Variants in SLCO3A1 observed in about 807,000 individuals in gnomAD.
The protein encoded by SLCO3A1 is solute carrier organic anion transporter family member 3A1, also known as PGE1 transporter.
In SLCO3A1, 27 loss-of-function variants were observed where a neutral mutation model predicts 63.1. The ratio of observed to expected loss-of-function variants is 0.43; its 90% confidence interval spans 0.32 to 0.59. The LOEUF is 0.59. SLCO3A1 is among the 20% of genes least tolerant of loss of function. The pLI, the probability that SLCO3A1 is intolerant of heterozygous loss-of-function variation, is 0.09. For synonymous variants in SLCO3A1, 473 were observed against 409.9 expected, an observed-to-expected ratio of 1.15 and a Z score of -1.86; for missense variants, 773 against 945.8, an observed-to-expected ratio of 0.82 and a Z score of 2.40.
chr15:92,026,596 G>A (rs967861981), intron 2 of SLCO3A1, among the ~76,000 whole-genome samples: 11 of 152,128 alleles, frequency 7.2e-5, no homozygotes, highest in South Asian at 2.1e-4. Flanking sequence ...TCTGCTTTCC[G>A]TTTTCTTCAG....
chr15:92,003,738 G>A (rs1370498121), intron 2 of SLCO3A1, among the ~76,000 whole-genome samples: 1 of 152,210 alleles, frequency 6.6e-6, no homozygotes, highest in Non-Finnish European at 1.5e-5. Context: ...AGTTCCCCAT[G>A]GAATTCATGG....
chr15:91,944,479 G>A (rs571150056), intron 2 of SLCO3A1, among the ~76,000 whole-genome samples: 22 of 152,100 alleles, frequency 1.4e-4, no homozygotes, highest in Non-Finnish European at 2.4e-4. Flanking sequence ...CAGCTGCAGC[G>A]TGGGGCTCAG....
At chr15:92,093,164 G>T (rs1327441588) in intron 2 of SLCO3A1, among the ~76,000 whole-genome samples, 1 of 152,212 alleles carries the variant, frequency 6.6e-6, no homozygotes, top group Non-Finnish European at 1.5e-5. Flanking sequence ...ACCTGAGGCT[G>T]GGTAATTTAC....
rs200890128 is a variant in SLCO3A1 at position 91,873,912 on chromosome 15, GT to G, written c.180+19832del. On this transcript the variant is annotated intron_variant, in intron 1 of 9. Transcript: ENST00000318445. ...TCTATGATTTTGTGTCATTTCCTTT[GT>G]TTTTTTTCTTTATTGTGGAAAATTA... is the stretch of plus-strand genomic sequence containing the variant. Among the ~76,000 whole-genome samples, 667 of 151,394 alleles carry G rather than the reference GT, an allele frequency of 4.4e-3. 8 individuals are homozygous for G. The highest frequency in any genetic ancestry group is 0.015 in the African/African-American group (630 of 41,268).
At position 92,153,224 on chromosome 15, in the gene SLCO3A1, C is replaced by T. The variant is rs542318742; in HGVS notation, c.1753+2210C>T. 2.8e-3 allele frequency among the ~76,000 whole-genome samples: 422 copies of T among 151,634 alleles called. 2 individuals are homozygous for T. Among genetic ancestry groups the T allele is most frequent in the African/African-American group, 1.0e-2 (411 of 41,194 alleles). On this transcript the variant is annotated intron_variant, in intron 9 of 9. Transcript: ENST00000318445. ...ATGGCCCAGTACGCACATGCCTATG[C>T]CTAGATACAGCTGAAACAAACAAAA...
chr15:91,961,153 T>C (rs888997658), intron 2 of SLCO3A1, among the ~76,000 whole-genome samples: 1 of 152,250 alleles, frequency 6.6e-6, no homozygotes, highest in Non-Finnish European at 1.5e-5. Flanking sequence ...ACTTAGTTTA[T>C]CTCATTCTAG....
chr15:91,857,517 A>G (rs1449184319), intron 1 of SLCO3A1, among the ~76,000 whole-genome samples: 1 of 152,064 alleles, frequency 6.6e-6, no homozygotes, highest in African/African-American at 2.4e-5. Context: ...ATGCAATTTA[A>G]TTTTCTTCTA....
Position 91,854,390 on chromosome 15 carries a change from C to CG in SLCO3A1, c.180+302_180+303insG. ...TGGGCGTGAAACTATTCCTCTCCCC[C>CG]CATAAGAGCGGAGCGAGACGGTGAG... On this transcript the variant is annotated intron_variant, in intron 1 of 9. Coordinates refer to ENST00000318445, the MANE Select transcript of SLCO3A1 (RefSeq NM_013272.4). The surrounding 1 kb of genome is among the most constrained non-coding windows in gnomAD (Gnocchi z 6.4). The CG allele has an allele frequency of 6.6e-6, 7 of 1,054,274 alleles. No individual in the cohort carries two copies. Among genetic ancestry groups the CG allele is most frequent in the Non-Finnish European group, 8.0e-6 (7 of 872,834 alleles). 65.3% of individuals were successfully genotyped at this position (1,054,274 alleles called of 1,614,324 possible).
At position 92,076,421 on chromosome 15, in the gene SLCO3A1, C is replaced by T. The variant is rs954616829; in HGVS notation, c.647-18460C>T. On this transcript the variant is annotated intron_variant, in intron 2 of 9. Transcript: ENST00000318445. ...TTCAGTACTTTCCCCGGATGCAGGA[C>T]GTAGTTTTGATGTTAGGATTTCTGC... is the stretch of plus-strand genomic sequence containing the variant. Among the ~76,000 whole-genome samples the T allele has an allele frequency of 8.2e-4, 125 of 152,284 alleles. 1 individual carries two copies. The highest frequency in any genetic ancestry group is 2.7e-3 in the African/African-American group (113 of 41,550).
intron 2 of SLCO3A1, among the ~76,000 whole-genome samples, chr15:92,021,892 C>A (rs183396934): frequency 5.1e-4 from 77 of 152,212 alleles, no homozygotes; most frequent in African/African-American, 1.8e-3. Flanking sequence ...TGCCGTTCCA[C>A]CCAGCCTAAT....
chr15:91,962,851 A>G (rs1900501423), intron 2 of SLCO3A1, among the ~76,000 whole-genome samples: 2 of 152,202 alleles, frequency 1.3e-5, no homozygotes, highest in Admixed American at 1.3e-4. Flanking sequence ...AGCCGGGTAC[A>G]GGGAGAAGGC....
At chr15:92,054,666 T>A (rs892152892) in intron 2 of SLCO3A1, among the ~76,000 whole-genome samples, 8 of 147,340 alleles carry the variant, frequency 5.4e-5, no homozygotes, top group African/African-American at 2.0e-4. Context: ...TGTGTTCTCA[T>A]TGTTCAGCTC....
rs1407552182 is a variant in SLCO3A1, at chr15:91,883,835, C to G, written c.180+29747C>G. On this transcript the variant is annotated intron_variant, in intron 1 of 9. Transcript: ENST00000318445. The surrounding 1 kb of genome is among the most constrained non-coding windows in gnomAD (Gnocchi z 4.8). ...TACACTCACTTCTGTGGGTCCACAC[C>G]CCGTGCCAGGCACCGTGTTACATGC... Among the ~76,000 whole-genome samples the G allele has an allele frequency of 6.6e-6, 1 of 152,136 alleles. No individual in the cohort carries two copies. The highest frequency in any genetic ancestry group is 1.5e-5 in the Non-Finnish European group (1 of 68,024).
chr15:92,016,394 G>A, intron 2 of SLCO3A1, among the ~76,000 whole-genome samples: 1 of 151,998 alleles, frequency 6.6e-6, no homozygotes, highest in East Asian at 1.9e-4. Context: ...TGAACTCCTA[G>A]CCTCAAACAA....
chr15:91,989,150 G>C (rs764839414), intron 2 of SLCO3A1, among the ~76,000 whole-genome samples: 1 of 152,088 alleles, frequency 6.6e-6, no homozygotes, highest in Non-Finnish European at 1.5e-5. Flanking sequence ...CTGTGCCTTC[G>C]CATAAGTGTC....
chr15:92,116,205 G>A (rs962508166), intron 4 of SLCO3A1, among the ~76,000 whole-genome samples: 5 of 152,108 alleles, frequency 3.3e-5, no homozygotes, highest in African/African-American at 4.8e-5. Flanking sequence ...CATTTAGAAC[G>A]GCATTTTTGC....
At chr15:92,147,838 G>T (rs750269106) in intron 8 of SLCO3A1, among the ~76,000 whole-genome samples, 3 of 152,184 alleles carry the variant, frequency 2.0e-5, no homozygotes, top group Admixed American at 6.5e-5. Flanking sequence ...ATCATTTGCA[G>T]AGTTACCTAG....
At chr15:92,060,166 G>A (rs942448532) in intron 2 of SLCO3A1, among the ~76,000 whole-genome samples, 9 of 152,182 alleles carry the variant, frequency 5.9e-5, no homozygotes, top group Admixed American at 1.3e-4. Flanking sequence ...GAGTCAGTGA[G>A]TGAGTGGTGA....
intron 2 of SLCO3A1, among the ~76,000 whole-genome samples, chr15:92,041,139 C>T (rs1567083177): frequency 6.6e-6 from 1 of 152,132 alleles, no homozygotes; most frequent in Non-Finnish European, 1.5e-5. Context: ...ATATGCCTAG[C>T]CCCCTTCCCT....
Sources: gnomAD v4.1 joint callset for allele counts (sites outside exome capture counted in the v4.1 genomes callset) on GRCh38, gnomAD v4.1.1 for gene constraint, Gnocchi (gnomAD v3.1) non-coding constraint, MANE v1.5 for transcripts, NCBI Gene and HGNC (gene_info 2026-07-23, HGNC 2026-07-21) for gene names.